TRABD2A: variants seen among roughly 807,000 people sequenced by gnomAD.
TRABD2A encodes metalloprotease TIKI1.
TRABD2A carries 43 observed loss-of-function variants against 45.6 expected under a neutral mutation model. The ratio of observed to expected loss-of-function variants is 0.94; its 90% CI spans 0.74 to 1.22. TRABD2A has a LOEUF of 1.22. TRABD2A is among the 50% of genes most tolerant of loss of function. The pLI, the probability that TRABD2A is intolerant of heterozygous loss-of-function variation, is 0.00. For missense variants in TRABD2A, 642 were observed against 652.4 expected, an observed-to-expected ratio of 0.98 and a Z score of 0.17; for synonymous variants, 269 against 265.0, an observed-to-expected ratio of 1.02 and a Z score of -0.15.
In TRABD2A at chr2:84,824,172, G is replaced by A; in HGVS notation, c.1115C>T (p.Thr372Ile). 6.2e-7 allele frequency: 1 copy of A among 1,614,028 alleles called. No homozygotes were observed. The highest frequency in any genetic ancestry group is 8.5e-7 in the Non-Finnish European group (1 of 1,179,906). The change falls in exon 6 of 7, where the codon ACT becomes ATT. Residue 372 changes from threonine (T) to isoleucine (I), a missense_variant. Thr to Ile is a moderately conservative substitution (Grantham distance 89, BLOSUM62 -1). Transcript: ENST00000409520. ...GKSKKTSTRP[T>I]LSTIFAPKVP... is the part of the protein sequence containing the mutation. ...TTTTGGAGCAAAGATGGTGGACAGAGTGGGCCGTGTGGAGGTCTTTTTACT... is the reference window on the plus strand; with the variant it reads ...TTTTGGAGCAAAGATGGTGGACAGAATGGGCCGTGTGGAGGTCTTTTTACT...
intron 2 of TRABD2A, among the ~76,000 whole-genome samples, chr2:84,867,270 A>G (rs1682711181): frequency 6.6e-6 from 1 of 152,198 alleles, no homozygotes; most frequent in Admixed American, 6.5e-5. Flanking sequence ...ACACCTACAC[A>G]AACCCTAAGA....
rs1483985521 is a variant in TRABD2A at position 84,881,076 on chromosome 2, G to T, written c.-37C>A. On this transcript the variant is annotated 5_prime_UTR_variant, in exon 1 of 7. Transcript: ENST00000409520. ...CGGCTCCGAGGCCCGGAACGCGGAG[G>T]GAAGGAGTAGGGCAGAGGTGGCCGC... 3 of 1,545,486 alleles carry T rather than the reference G, an allele frequency of 1.9e-6. No individual in the cohort carries two copies. Among genetic ancestry groups the T allele is most frequent in the East Asian group, 4.9e-5 (2 of 40,978 alleles).
At chr2:84,871,194 G>A (rs1199209147) in intron 1 of TRABD2A, among the ~76,000 whole-genome samples, 1 of 152,156 alleles carries the variant, frequency 6.6e-6, no homozygotes, top group African/African-American at 2.4e-5. Flanking sequence ...TTTTGAGATT[G>A]TGCCATGCCT....
At chr2:84,825,969 G>GA (rs775975741) in intron 5 of TRABD2A, among the ~76,000 whole-genome samples, 5 of 152,058 alleles carry the variant, frequency 3.3e-5, no homozygotes, top group Admixed American at 2.0e-4. Context: ...CCGATCCATG[G>GA]AAAAATTTTC....
rs77333406 is a variant in TRABD2A, at chr2:84,854,565, C to T, written c.670-12558G>A. Among the ~76,000 whole-genome samples, 727 of 152,276 alleles carry T rather than the reference C, an allele frequency of 4.8e-3. 16 individuals carry two copies. In the East Asian group the frequency reaches 0.076, roughly 16 times the overall value. The stretch of plus-strand genomic sequence containing the variant: ...GAGCCAGGATTCAAACCCAGATCCA[C>T]GGTCTCCAAAGTTGATACTCTCCAC... On this transcript the variant is annotated intron_variant, in intron 2 of 6. Coordinates refer to ENST00000409520, the MANE Select transcript of TRABD2A (RefSeq NM_001277053.2).
At chr2:84,875,064 G>T (rs1407034115) in intron 1 of TRABD2A, 3 of 173,622 alleles carry the variant, frequency 1.7e-5, no homozygotes, top group South Asian at 2.5e-4. Flanking sequence ...CAACAATGGT[G>T]CAGTGGAATG....
chr2:84,841,720 T>C lies in TRABD2A; in HGVS notation c.816+141A>G, dbSNP rs1681715351. On this transcript the variant is annotated intron_variant, in intron 3 of 6. Transcript: ENST00000409520. Reference sequence around the variant, plus strand: ...TCATTCGCTGTAGTGCCTCATTCAATGACATCTAAATCTGCCCACTTTATT... The same window carrying C: ...TCATTCGCTGTAGTGCCTCATTCAACGACATCTAAATCTGCCCACTTTATT... The C allele has an allele frequency of 1.8e-5, 16 of 879,594 alleles. No homozygotes were observed. In the East Asian group the frequency reaches 4.8e-4, roughly 27 times the overall value. 54.5% of individuals were successfully genotyped at this position (879,594 alleles called of 1,614,324 possible).
chr2:84,831,336 G>A (rs1681330420), intron 5 of TRABD2A, among the ~76,000 whole-genome samples: 1 of 152,138 alleles, frequency 6.6e-6, no homozygotes, highest in African/African-American at 2.4e-5. Context: ...CATTTCTGTT[G>A]ATTAAATCAC....
At chr2:84,831,334 T>C (rs117271784) in intron 5 of TRABD2A, among the ~76,000 whole-genome samples, 3,735 of 152,238 alleles carry the variant, frequency 0.025, 53 homozygotes, top group Middle Eastern at 0.089. Context: ...TGCATTTCTG[T>C]TGATTAAATC....
At chr2:84,834,824 T>C (rs940725545) in intron 4 of TRABD2A, 1 of 152,210 alleles carries the variant, frequency 6.6e-6, no homozygotes, top group African/African-American at 2.4e-5. Context: ...ACTTTTTGGC[T>C]ATTATAAATA....
At chr2:84,835,906 A>G (rs1033689783) in intron 4 of TRABD2A, 4 of 152,224 alleles carry the variant, frequency 2.6e-5, no homozygotes, top group African/African-American at 9.7e-5. Flanking sequence ...TCTTAATACC[A>G]TGACAATAAT....
chr2:84,848,468 G>C (rs1037993351), intron 2 of TRABD2A, among the ~76,000 whole-genome samples: 1 of 144,970 alleles, frequency 6.9e-6, no homozygotes, highest in Non-Finnish European at 1.6e-5. Context: ...TCAAACAAAG[G>C]CTTTAGTCAA....
intron 2 of TRABD2A, among the ~76,000 whole-genome samples, chr2:84,866,487 C>T (rs79281131): frequency 0.024 from 3,702 of 152,086 alleles, 77 homozygotes; most frequent in Middle Eastern, 0.037. Context: ...CCTTTAACTT[C>T]TTTGAAAAAA....
intron 2 of TRABD2A, among the ~76,000 whole-genome samples, chr2:84,854,938 G>A (rs1223141638): frequency 2.6e-5 from 4 of 152,034 alleles, no homozygotes; most frequent in Non-Finnish European, 5.9e-5. Flanking sequence ...TGTACCAAAG[G>A]TGTCAAATCA....
chr2:84,847,661 A>C (rs1681943335), intron 2 of TRABD2A, among the ~76,000 whole-genome samples: 2 of 152,230 alleles, frequency 1.3e-5, no homozygotes, highest in Admixed American at 1.3e-4. Flanking sequence ...GCCAGTGCTC[A>C]CTGCCTCCCA....
chr2:84,847,681 C>T (rs112624754), intron 2 of TRABD2A, among the ~76,000 whole-genome samples: 1 of 152,344 alleles, frequency 6.6e-6, no homozygotes, highest in Non-Finnish European at 1.5e-5. Context: ...ACTGTGCCTC[C>T]CTTTCTCCAT....
intron 6 of TRABD2A, among the ~76,000 whole-genome samples, chr2:84,823,093 G>C (rs1681044758): frequency 6.6e-6 from 1 of 152,086 alleles, no homozygotes; most frequent in Admixed American, 6.5e-5. Context: ...TACTGATCCA[G>C]ACTCAGAAGC....
chr2:84,839,161 C>T lies in TRABD2A; in HGVS notation c.979G>A (p.Ala327Thr), dbSNP rs1229319408. The T allele has an allele frequency of 1.9e-6, 3 of 1,613,916 alleles. No homozygotes were observed. The highest frequency in any genetic ancestry group is 2.5e-6 in the Non-Finnish European group (3 of 1,179,868). The change falls in exon 4 of 7, where the codon GCC (alanine) becomes ACC (threonine). Residue 327 changes from alanine (A) to threonine (T), a missense_variant. Physicochemically the swap from Ala to Thr is moderately conservative, Grantham distance 58. Coordinates refer to ENST00000409520, the MANE Select transcript of TRABD2A (RefSeq NM_001277053.2). ...EEFPDKGFFFAFGAGHFMGNN... is the reference protein window; with the variant it reads ...EEFPDKGFFFTFGAGHFMGNN... The stretch of plus-strand genomic sequence containing the variant: ...ACCCACTACTCACCAGCTCCAAAGG[C>T]AAAGAAGAAGCCTTTGTCAGGGAAC...
intron 2 of TRABD2A, among the ~76,000 whole-genome samples, chr2:84,854,185 A>T (rs1682194017): frequency 6.6e-6 from 1 of 152,090 alleles, no homozygotes; most frequent in Non-Finnish European, 1.5e-5. Context: ...GAGATGACAA[A>T]GTATTTGGGA....
Sources: allele counts gnomAD v4.1 joint callset (sites outside exome capture counted in the v4.1 genomes callset), GRCh38; gene constraint gnomAD v4.1.1; transcripts MANE v1.5; gene names NCBI Gene and HGNC (gene_info 2026-07-23, HGNC 2026-07-21).